The following SRGAP1 variants were observed in gnomAD, a reference collection of about 807,000 sequenced individuals.
SRGAP1 encodes SLIT-ROBO Rho GTPase-activating protein 1.
In SRGAP1, 43 loss-of-function variants were observed where a neutral mutation model predicts 121.9. The ratio of observed to expected loss-of-function variants is 0.35; its 90% CI spans 0.28 to 0.46. The LOEUF (loss-of-function observed/expected upper bound fraction) is 0.46. Ranked by LOEUF, SRGAP1 falls within the 20% of genes least tolerant of loss-of-function variation. SRGAP1 has a pLI of 1.00. For missense variants in SRGAP1, 1,102 were observed against 1,350.9 expected, an observed-to-expected ratio of 0.82 and a Z score of 2.89; for synonymous variants, 447 against 485.4, an observed-to-expected ratio of 0.92 and a Z score of 1.04.
chr12:63,923,086 C>G (rs1030712988), intron 1 of SRGAP1, among the ~76,000 whole-genome samples: 37 of 152,222 alleles, frequency 2.4e-4, no homozygotes, highest in African/African-American at 8.7e-4. Context: ...ACCTACTTAA[C>G]TCAGAAATCA....
intron 1 of SRGAP1, among the ~76,000 whole-genome samples, chr12:63,898,050 A>G (rs1273665443): frequency 6.6e-6 from 1 of 152,236 alleles, no homozygotes; most frequent in East Asian, 1.9e-4. Flanking sequence ...AGCTCGATTT[A>G]TGCTGACTTT....
intron 1 of SRGAP1, among the ~76,000 whole-genome samples, chr12:63,921,223 A>G (rs2031030802): frequency 6.6e-6 from 1 of 152,218 alleles, no homozygotes; most frequent in South Asian, 2.1e-4. Context: ...CTCTAATGCC[A>G]GCTACGTTAC....
rs1052022033 is a variant in SRGAP1 at position 64,156,275 on chromosome 12, T to C, written c.*13603T>C. Reference sequence around the variant, plus strand: ...CTGATTATTTTTTCCTTAATGTTGATTTTGTAGACTCATTTGCAGGAAGAA... The same window carrying C: ...CTGATTATTTTTTCCTTAATGTTGACTTTGTAGACTCATTTGCAGGAAGAA... On this transcript the variant is annotated 3_prime_UTR_variant, in exon 22 of 22. Transcript: ENST00000355086. 1 of 152,250 alleles carries C rather than the reference T, an allele frequency of 6.6e-6. No homozygotes were observed. The highest frequency in any genetic ancestry group is 1.5e-5 in the Non-Finnish European group (1 of 68,042). 9.4% of individuals were successfully genotyped at this position (152,250 alleles called of 1,614,324 possible). A position where few individuals can be genotyped will look rare whatever the true frequency, so the allele number is the denominator to read the frequency against.
chr12:64,109,752 A>T (rs1377738681), intron 16 of SRGAP1, among the ~76,000 whole-genome samples: 1 of 152,222 alleles, frequency 6.6e-6, no homozygotes, highest in African/African-American at 2.4e-5. Context: ...CTTATTGAGT[A>T]AACTTGGGGA....
chr12:63,847,543 C>T (rs542725773), intron 1 of SRGAP1, among the ~76,000 whole-genome samples: 205 of 152,108 alleles, frequency 1.3e-3, no homozygotes, highest in African/African-American at 4.7e-3. Flanking sequence ...CACTTGAGGC[C>T]GAGACCAGCC....
In SRGAP1 at chr12:63,863,898, C is replaced by T. The variant is rs1333982430; in HGVS notation, c.67+19015C>T. Among the ~76,000 whole-genome samples, 4 of 152,022 alleles carry T rather than the reference C, an allele frequency of 2.6e-5. No homozygotes were observed. The East Asian group carries it at 5.8e-4, about 22-fold the overall frequency. ...GAAAGTGATGTATAGAAAATGGAAG[C>T]GAGGTACAGAAACAGGTGGATTGGT... is the stretch of plus-strand genomic sequence containing the variant. On this transcript the variant is annotated intron_variant, in intron 1 of 21. Coordinates refer to ENST00000355086, the MANE Select transcript of SRGAP1 (RefSeq NM_020762.4).
chr12:63,964,182 T>A (rs1159912868), intron 1 of SRGAP1, among the ~76,000 whole-genome samples: 2 of 152,160 alleles, frequency 1.3e-5, no homozygotes, highest in Non-Finnish European at 2.9e-5. Flanking sequence ...ACTGAGATGA[T>A]AATAATAATA....
chr12:64,077,441 AAAT>A (rs1462290798), intron 8 of SRGAP1, among the ~76,000 whole-genome samples: 16 of 150,120 alleles, frequency 1.1e-4, no homozygotes, highest in Admixed American at 4.0e-4. Context: ...TGACTACATA[AAAT>A]AATAATGTCT....
At chr12:63,931,498 T>C (rs1343430381) in intron 1 of SRGAP1, among the ~76,000 whole-genome samples, 1 of 152,212 alleles carries the variant, frequency 6.6e-6, no homozygotes, top group Non-Finnish European at 1.5e-5. Flanking sequence ...CAAATATTTA[T>C]TGAGTACACG....
In SRGAP1 at chr12:64,143,650, A is replaced by T. The variant is rs951045967; in HGVS notation, c.*978A>T. 7.9e-5 allele frequency: 12 copies of T among 152,228 alleles called. No individual in the cohort carries two copies. Among genetic ancestry groups the T allele is most frequent in the Non-Finnish European group, 1.2e-4 (8 of 68,124 alleles). 9.4% of individuals were successfully genotyped at this position (152,228 alleles called of 1,614,324 possible). A position where few individuals can be genotyped will look rare whatever the true frequency, so the allele number is the denominator to read the frequency against. On this transcript the variant is annotated 3_prime_UTR_variant, in exon 22 of 22. Transcript: ENST00000355086. ...CTAAATCACCTAGGTTCCTTTAAAC[A>T]TGCTACAAAGCCCAGGCATGGTGGT...
chr12:63,996,478 AG>A (rs2033713844), intron 3 of SRGAP1, among the ~76,000 whole-genome samples: 1 of 152,072 alleles, frequency 6.6e-6, no homozygotes, highest in African/African-American at 2.4e-5. Flanking sequence ...ATCAAGTCAG[AG>A]GGTGGCCTTT....
intron 6 of SRGAP1, among the ~76,000 whole-genome samples, chr12:64,050,626 C>T (rs2035219806): frequency 6.6e-6 from 1 of 152,226 alleles, no homozygotes; most frequent in Non-Finnish European, 1.5e-5. Flanking sequence ...TGTTCCACAG[C>T]TGATGTGTCT....
intron 1 of SRGAP1, among the ~76,000 whole-genome samples, chr12:63,922,304 G>A (rs146664801): frequency 1.5e-3 from 228 of 152,234 alleles, no homozygotes; most frequent in African/African-American, 5.3e-3. Flanking sequence ...CTAATCTATG[G>A]AATTTGATTT....
intron 1 of SRGAP1, among the ~76,000 whole-genome samples, chr12:63,919,831 G>A (rs1444680528): frequency 6.6e-6 from 1 of 152,130 alleles, no homozygotes; most frequent in Admixed American, 6.5e-5. Flanking sequence ...GCATGTAGCT[G>A]TAGTTCATTC....
chr12:64,089,010 A>C (rs1273286241), intron 11 of SRGAP1, among the ~76,000 whole-genome samples: 2 of 152,136 alleles, frequency 1.3e-5, no homozygotes, highest in Non-Finnish European at 2.9e-5. Flanking sequence ...TAGTTTTTTA[A>C]TGCTTTGGTA....
intron 21 of SRGAP1, among the ~76,000 whole-genome samples, chr12:64,140,720 C>T (rs111859886): frequency 0.032 from 4,054 of 127,948 alleles, 236 homozygotes; most frequent in African/African-American, 0.12. Flanking sequence ...GTGGCGATTC[C>T]TCAGGGATCT....
intron 21 of SRGAP1, among the ~76,000 whole-genome samples, chr12:64,141,272 TA>T (rs977006357): frequency 0.026 from 1,274 of 48,192 alleles, 4 homozygotes; most frequent in Non-Finnish European, 0.036. Flanking sequence ...TAAAGTATAA[TA>T]AAAAAAAAAA....
chr12:64,020,986 C>T (rs1008552478), intron 4 of SRGAP1, among the ~76,000 whole-genome samples: 6 of 150,880 alleles, frequency 4.0e-5, no homozygotes, highest in South Asian at 4.2e-4. Context: ...CAGTGCAGGC[C>T]GGGTATGGAG....
chr12:64,068,880 C>T (rs2035589717), intron 8 of SRGAP1, among the ~76,000 whole-genome samples: 1 of 151,464 alleles, frequency 6.6e-6, no homozygotes, highest in African/African-American at 2.4e-5. Flanking sequence ...CATGATGGCG[C>T]ATGCCTGTAG....
Sources: gnomAD v4.1 joint callset for allele counts (sites outside exome capture counted in the v4.1 genomes callset) on GRCh38, gnomAD v4.1.1 for gene constraint, MANE v1.5 for transcripts, NCBI Gene and HGNC (gene_info 2026-07-23, HGNC 2026-07-21) for gene names.